DCAF8L2: variants seen among roughly 807,000 people sequenced by gnomAD.
DCAF8L2 encodes DDB1 and CUL4 associated factor 8 like 2.
For missense variants in DCAF8L2, 430 were observed against 490.7 expected, an observed-to-expected ratio of 0.88 and a Z score of 1.17; for synonymous variants, 200 against 190.9, an observed-to-expected ratio of 1.05 and a Z score of -0.39.
intron 4 of DCAF8L2, among the ~76,000 whole-genome samples, chrX:27,740,885 A>G (rs780128397): frequency 1.7e-4 from 19 of 111,764 alleles, no homozygotes; most frequent in African/African-American, 4.6e-4. Context: ...GTCTATCTAT[A>G]TATTAATTTG....
chrX:27,614,175 T>A (rs1415168193), intron 1 of DCAF8L2, among the ~76,000 whole-genome samples: 1 of 111,061 alleles, frequency 9.0e-6, no homozygotes. Context: ...CCTGGTTTAG[T>A]CTTGGGAGGG....
chrX:27,593,089 G>A (rs151120919), intron 1 of DCAF8L2, among the ~76,000 whole-genome samples: 9,254 of 111,527 alleles, frequency 0.083, 786 homozygotes, highest in African/African-American at 0.26. Context: ...ATGAGCCACC[G>A]TGCCCAGCCA....
intron 4 of DCAF8L2, among the ~76,000 whole-genome samples, chrX:27,735,541 T>C (rs1419139533): frequency 1.8e-5 from 2 of 112,475 alleles, no homozygotes; most frequent in East Asian, 5.5e-4. Flanking sequence ...CCATACTTGC[T>C]GATATTTGTA....
the DCAF8L2 span, among the ~76,000 whole-genome samples, chrX:27,569,250 T>C: frequency 9.0e-6 from 1 of 111,396 alleles, no homozygotes; most frequent in Non-Finnish European, 1.9e-5. Context: ...AAATGAGATA[T>C]ATTTTTATGA....
the DCAF8L2 span, among the ~76,000 whole-genome samples, chrX:27,548,462 C>T: frequency 2.7e-5 from 3 of 111,528 alleles, no homozygotes; most frequent in Non-Finnish European, 5.6e-5. Flanking sequence ...AATAGCTATA[C>T]TATTGTCAAT....
the DCAF8L2 span, among the ~76,000 whole-genome samples, chrX:27,496,616 T>C: frequency 8.9e-6 from 1 of 111,928 alleles, no homozygotes; most frequent in Non-Finnish European, 1.9e-5. Context: ...GCAAATCACC[T>C]TTCGATTAAC....
intron 2 of DCAF8L2, among the ~76,000 whole-genome samples, chrX:27,675,062 T>G (rs1930095705): frequency 8.9e-6 from 1 of 112,147 alleles, no homozygotes; most frequent in African/African-American, 3.2e-5. Flanking sequence ...TTTTATCATT[T>G]AAAGTCAAAC....
At chrX:27,644,746 C>T (rs1434850382) in intron 2 of DCAF8L2, among the ~76,000 whole-genome samples, 1 of 111,650 alleles carries the variant, frequency 9.0e-6, no homozygotes, top group Non-Finnish European at 1.9e-5. Context: ...GGACTCATCC[C>T]TAACTCTTTT....
At chrX:27,598,297 T>C (rs892955505) in intron 1 of DCAF8L2, among the ~76,000 whole-genome samples, 1 of 112,439 alleles carries the variant, frequency 8.9e-6, no homozygotes, top group African/African-American at 3.2e-5. Flanking sequence ...TTTATAAGTA[T>C]AATGGTCGAA....
the DCAF8L2 span, among the ~76,000 whole-genome samples, chrX:27,539,269 G>A: frequency 1.8e-5 from 2 of 110,077 alleles, no homozygotes; most frequent in Admixed American, 1.9e-4. Context: ...GAAATTTATG[G>A]GGTTTTCTTG....
At chrX:27,555,438 A>G in the DCAF8L2 span, among the ~76,000 whole-genome samples, 1 of 111,914 alleles carries the variant, frequency 8.9e-6, no homozygotes, top group Non-Finnish European at 1.9e-5. Context: ...TGGGCTTATG[A>G]AAAAAGTAGA....
chrX:27,560,718 A>G, the DCAF8L2 span, among the ~76,000 whole-genome samples: 1 of 112,342 alleles, frequency 8.9e-6, no homozygotes, highest in Non-Finnish European at 1.9e-5. Flanking sequence ...TATGGGAAAT[A>G]GTTCCATTTC....
chrX:27,719,966 A>G (rs1931835930), intron 4 of DCAF8L2, among the ~76,000 whole-genome samples: 2 of 110,727 alleles, frequency 1.8e-5, no homozygotes, highest in Admixed American at 9.7e-5. Context: ...AACTTTGTCA[A>G]AGTCAATATG....
At position 27,619,865 on chromosome X, in the gene DCAF8L2, A is replaced by G. The variant is rs188657757; in HGVS notation, c.-341-12014A>G. 2.7e-5 allele frequency among the ~76,000 whole-genome samples: 3 copies of G among 111,172 alleles called. No homozygotes were observed. The Admixed American group carries it at 2.9e-4, about 11-fold the overall frequency. ...AAAAAAAAGAAAAAGAAATATAGGT[A>G]AAGTAAAAAAAAGACTAAAATATTT... On this transcript the variant is annotated intron_variant, in intron 1 of 4. Transcript: ENST00000451261.
intron 1 of DCAF8L2, among the ~76,000 whole-genome samples, chrX:27,602,855 T>C (rs1317885785): frequency 2.7e-5 from 3 of 112,103 alleles, no homozygotes; most frequent in Non-Finnish European, 5.6e-5. Context: ...TAAGGAAATG[T>C]AAAAGTAAAA....
chrX:27,745,890 A>G (rs1922135745), intron 4 of DCAF8L2, among the ~76,000 whole-genome samples: 2 of 112,237 alleles, frequency 1.8e-5, no homozygotes, highest in South Asian at 7.4e-4. Flanking sequence ...AAAAGACTTT[A>G]TAGTTCTATG....
chrX:27,696,899 AT>A (rs756995155), intron 3 of DCAF8L2, among the ~76,000 whole-genome samples: 2 of 111,133 alleles, frequency 1.8e-5, no homozygotes, highest in South Asian at 3.7e-4. Flanking sequence ...AAAGCAGCAG[AT>A]TTTTTTTATT....
At chrX:27,514,684 AAAAAAAAAAAAC>A in the DCAF8L2 span, among the ~76,000 whole-genome samples, 14 of 92,567 alleles carry the variant, frequency 1.5e-4, no homozygotes, top group African/African-American at 6.5e-4. Flanking sequence ...AAAAAAAAAA[AAAAAAAAAAAAC>A]AAAAAAAAAA....
intron 2 of DCAF8L2, among the ~76,000 whole-genome samples, chrX:27,634,638 T>A (rs1477885137): frequency 9.0e-6 from 1 of 110,981 alleles, no homozygotes; most frequent in Non-Finnish European, 1.9e-5. Flanking sequence ...AAACCTGAAA[T>A]GTTTCAAAAT....
Sources: gnomAD v4.1 joint callset for allele counts (sites outside exome capture counted in the v4.1 genomes callset) on GRCh38, gnomAD v4.1.1 for gene constraint, MANE v1.5 for transcripts, NCBI Gene and HGNC (gene_info 2026-07-23, HGNC 2026-07-21) for gene names.